The following PRRC2B variants were observed in gnomAD, a reference collection of about 807,000 sequenced individuals.
PRRC2B encodes proline rich coiled-coil 2B, also known as protein PRRC2B.
PRRC2B carries 68 observed loss-of-function variants against 242.3 expected under a neutral mutation model. That is an observed-to-expected ratio of 0.28 (90% CI 0.23 to 0.34). The LOEUF is 0.34. PRRC2B is among the 10% of genes least tolerant of loss of function. The probability of loss-of-function intolerance (pLI) is 1.00; values close to 1 mark genes in which losing one functional copy is unlikely to be tolerated. For missense variants in PRRC2B, 2,835 were observed against 2,954.8 expected (o/e 0.96, Z 0.94); for synonymous variants, 1,228 against 1,173.6 (o/e 1.05, Z -0.95).
chr9:131,485,652 G>C (rs1450366610), intron 25 of PRRC2B: 1 of 535,814 alleles, frequency 1.9e-6, no homozygotes, highest in Non-Finnish European at 3.7e-6. Context: ...GGTTTTGAGG[G>C]CCCAGCTGCC....
intron 5 of PRRC2B, among the ~76,000 whole-genome samples, chr9:131,443,939 CT>C (rs1838698200): frequency 6.6e-6 from 1 of 152,222 alleles, no homozygotes; most frequent in Non-Finnish European, 1.5e-5. Context: ...TGTCTTACCT[CT>C]TTCCATTTGT....
chr9:131,448,835 A>T (rs1342373297), intron 9 of PRRC2B, among the ~76,000 whole-genome samples: 1 of 152,094 alleles, frequency 6.6e-6, no homozygotes, highest in East Asian at 1.9e-4. Context: ...AAAGGTACCC[A>T]TATCACATTT....
chr9:131,486,515 T>A lies in PRRC2B; in HGVS notation c.5856+333T>A, dbSNP rs1055172547. ...TGATGAAGAGAAGAAAGGCCTAAACTCCCAGGCATGGATGCATTAGAAAGA... is the reference window on the plus strand; with the variant it reads ...TGATGAAGAGAAGAAAGGCCTAAACACCCAGGCATGGATGCATTAGAAAGA... On this transcript the variant is annotated intron_variant, in intron 26 of 31. Transcript: ENST00000683519. 7.1e-6 allele frequency: 7 copies of A among 985,290 alleles called. No individual in the cohort carries two copies. In the African/African-American group the frequency reaches 1.2e-4, roughly 17 times the overall value. 61.0% of individuals were successfully genotyped at this position (985,290 alleles called of 1,614,324 possible). A position where few individuals can be genotyped will look rare whatever the true frequency, so the allele number is the denominator to read the frequency against.
intron 1 of PRRC2B, among the ~76,000 whole-genome samples, chr9:131,380,736 G>A (rs1008551509): frequency 5.3e-5 from 8 of 151,576 alleles, no homozygotes; most frequent in African/African-American, 1.2e-4. Flanking sequence ...AAATTAGCTG[G>A]GCATGGTAGC....
At chr9:131,493,388 G>A (rs1354446633) in intron 30 of PRRC2B, among the ~76,000 whole-genome samples, 1 of 152,250 alleles carries the variant, frequency 6.6e-6, no homozygotes, top group Non-Finnish European at 1.5e-5. Context: ...CGACCATGGA[G>A]CGGAACTGGA....
At chr9:131,463,335 A>G (rs576406827) in intron 11 of PRRC2B, among the ~76,000 whole-genome samples, 2 of 152,290 alleles carry the variant, frequency 1.3e-5, no homozygotes, top group Non-Finnish European at 2.9e-5. Context: ...CTGAAGTATA[A>G]CTCACCTACA....
chr9:131,395,768 A>T (rs985744103), intron 1 of PRRC2B, among the ~76,000 whole-genome samples: 3 of 152,222 alleles, frequency 2.0e-5, no homozygotes, highest in Non-Finnish European at 4.4e-5. Context: ...GGGCGCTTAT[A>T]CAGTGCTGAG....
At chr9:131,382,154 T>C (rs896243301) in intron 1 of PRRC2B, among the ~76,000 whole-genome samples, 3 of 151,906 alleles carry the variant, frequency 2.0e-5, no homozygotes, top group African/African-American at 7.3e-5. Flanking sequence ...GTAGCTGGGA[T>C]TACAGGCATC....
At position 131,444,206 on chromosome 9, in the gene PRRC2B, T is replaced by G; in HGVS notation, c.491T>G (p.Leu164Arg). The G allele has an allele frequency of 6.2e-7, 1 of 1,614,050 alleles. No individual in the cohort carries two copies. Among genetic ancestry groups the G allele is most frequent in the Non-Finnish European group, 8.5e-7 (1 of 1,179,894 alleles). Residue 164 changes from leucine (L) to arginine (R), a missense_variant, in exon 6 of 32, where the codon CTG becomes CGG. Physicochemically the swap from Leu to Arg is moderately radical, Grantham distance 102. This residue lies in a region of PRRC2B where 626 missense variants were observed against 685.5 expected (regional missense o/e 0.91). Coordinates refer to ENST00000683519, the MANE Select transcript of PRRC2B (RefSeq NM_013318.4). ...ACAGGTTTAAGGGGCTCAAGCCGAC[T>G]GTTATCCTTCTCTCCCGAGGAATTT... ...HEGGLRGSSRLLSFSPEEFPT... is the reference protein window; with the variant it reads ...HEGGLRGSSRRLSFSPEEFPT...
intron 12 of PRRC2B, 132 bp from the exon 13 acceptor site, chr9:131,467,431 A>G: frequency 1.3e-6 from 1 of 773,170 alleles, no homozygotes; most frequent in Non-Finnish European, 2.0e-6. Context: ...GCACAGGGCC[A>G]GGGTTCAGGG....
chr9:131,427,199 A>G (rs899786779), intron 1 of PRRC2B, among the ~76,000 whole-genome samples: 3 of 152,226 alleles, frequency 2.0e-5, no homozygotes, highest in Non-Finnish European at 1.5e-5. Context: ...TAAATGAATG[A>G]AAGGATGGTT....
At chr9:131,375,038 C>G (rs986128102) in intron 1 of PRRC2B, among the ~76,000 whole-genome samples, 1 of 152,178 alleles carries the variant, frequency 6.6e-6, no homozygotes, top group African/African-American at 2.4e-5. Context: ...GGTTTGAGTC[C>G]TGTCCCTTCC....
In PRRC2B at chr9:131,446,997, TC is replaced by T. The variant is rs558235918; in HGVS notation, c.856-86del. On this transcript the variant is annotated intron_variant, in intron 7 of 31. Coordinates refer to ENST00000683519, the MANE Select transcript of PRRC2B (RefSeq NM_013318.4). The surrounding 1 kb of genome is among the most constrained non-coding windows in gnomAD (Gnocchi z 4.1). The stretch of plus-strand genomic sequence containing the variant: ...ACTTTCCTGTTTCTTTTTCCCATTT[TC>T]CACTTTATAAAACACATTCTGATTT... The T allele has an allele frequency of 4.9e-5, 75 of 1,540,458 alleles. No individual in the cohort carries two copies. The highest frequency in any genetic ancestry group is 6.5e-5 in the Non-Finnish European group (73 of 1,125,206).
At position 131,482,839 on chromosome 9, in the gene PRRC2B, A is replaced by C; in HGVS notation, c.5305A>C (p.Asn1769His). 1 of 1,608,668 alleles carries C rather than the reference A, an allele frequency of 6.2e-7. No individual in the cohort carries two copies. The highest frequency in any genetic ancestry group is 8.5e-7 in the Non-Finnish European group (1 of 1,177,492). Residue 1769 changes from asparagine to histidine, a missense_variant, in exon 22 of 32, where the codon AAC becomes CAC. By Grantham distance (68) the Asn-to-His change is moderately conservative (BLOSUM62 1). Transcript: ENST00000683519. The surrounding 1 kb of genome is among the most constrained non-coding windows in gnomAD (Gnocchi z 5.2). ...RLQGAVVPPVNGVEIHVDSVL... is the reference protein window; with the variant it reads ...RLQGAVVPPVHGVEIHVDSVL... The stretch of plus-strand genomic sequence containing the variant: ...GCAAGGGGCTGTCGTCCCGCCTGTT[A>C]ACGGGGTGGAGATTCACGTGGACTC...
intron 1 of PRRC2B, among the ~76,000 whole-genome samples, chr9:131,421,933 G>A (rs779764861): frequency 6.6e-6 from 1 of 152,252 alleles, no homozygotes; most frequent in Admixed American, 6.5e-5. Flanking sequence ...ATTCCAGGTC[G>A]TGGGGCATTC....
Position 131,476,223 on chromosome 9 carries a change from A to T in PRRC2B, c.4094A>T (p.Asn1365Ile). ...GRRSPELSYQ[N>I]SSDHANEEWE... ...AGGTCCCCTGAGCTCTCCTACCAGA[A>T]CTCCTCCGATCACGCCAATGAGGAG... Residue 1365 changes from asparagine (N) to isoleucine (I), a missense_variant, in exon 16 of 32, where the codon AAC (asparagine) becomes ATC (isoleucine). Asn to Ile is a moderately radical substitution (Grantham distance 149). Coordinates refer to ENST00000683519, the MANE Select transcript of PRRC2B (RefSeq NM_013318.4). 6.2e-7 allele frequency: 1 copy of T among 1,612,880 alleles called. No individual in the cohort carries two copies. Among genetic ancestry groups the T allele is most frequent in the Non-Finnish European group, 8.5e-7 (1 of 1,179,596 alleles).
chr9:131,475,338 G>A lies in PRRC2B; in HGVS notation c.3209G>A (p.Gly1070Asp). 6.3e-7 allele frequency: 1 copy of A among 1,590,002 alleles called. No homozygotes were observed. The highest frequency in any genetic ancestry group is 8.6e-7 in the Non-Finnish European group (1 of 1,169,090). The change falls in exon 16 of 32, where the codon GGT becomes GAT. Residue 1070 changes from glycine (G) to aspartate (D), a missense_variant. Physicochemically the swap from Gly to Asp is moderately conservative, Grantham distance 94. Around this residue, in one of 7 missense-constraint regions of PRRC2B, gnomAD observed 1,536 missense variants for 1,483.1 expected, o/e 1.04. Transcript: ENST00000683519. ...VRGQARGRGRGFREFTFRGRP... is the reference protein window; with the variant it reads ...VRGQARGRGRDFREFTFRGRP... ...GGACAGGCCCGGGGCCGGGGCCGTG[G>A]TTTCAGAGAGTTCACTTTTCGTGGT...
intron 9 of PRRC2B, among the ~76,000 whole-genome samples, chr9:131,450,413 G>A (rs1288765832): frequency 2.0e-5 from 3 of 151,736 alleles, no homozygotes; most frequent in Middle Eastern, 3.2e-3. Flanking sequence ...AATTATAGGC[G>A]CGCACCACAT....
At position 131,497,297 on chromosome 9, in the gene PRRC2B, G is replaced by A. The variant is rs1472603941; in HGVS notation, c.*1423G>A. On this transcript the variant is annotated 3_prime_UTR_variant, in exon 32 of 32. Transcript: ENST00000683519. ...GCAGCTTCTCCAGCCAGAGGCTTGTGTGAGCCATCGTGTGCTGGGCTTGTT... is the reference window on the plus strand; with the variant it reads ...GCAGCTTCTCCAGCCAGAGGCTTGTATGAGCCATCGTGTGCTGGGCTTGTT... The A allele has an allele frequency of 1.3e-5, 2 of 152,300 alleles. No individual in the cohort carries two copies. The highest frequency in any genetic ancestry group is 4.8e-5 in the African/African-American group (2 of 41,458). The allele number at this position is 152,300 out of a possible 1,614,324, so 9.4% of individuals were successfully genotyped here.
Sources: allele counts gnomAD v4.1 joint callset (sites outside exome capture counted in the v4.1 genomes callset), GRCh38; gene constraint gnomAD v4.1.1; regional missense constraint gnomAD v4.1.1; non-coding constraint Gnocchi (gnomAD v3.1); transcripts MANE v1.5; gene names NCBI Gene and HGNC (gene_info 2026-07-23, HGNC 2026-07-21).